The following ROBO2 variants were observed in gnomAD, a reference collection of about 807,000 sequenced individuals.
ROBO2 encodes the protein roundabout homolog 2.
ROBO2 carries 53 observed loss-of-function variants against 160.8 expected under a neutral mutation model. That is an observed-to-expected ratio of 0.33 (90% confidence interval 0.26 to 0.41). The LOEUF is 0.41. Ranked by LOEUF, ROBO2 falls within the 10% of genes least tolerant of loss-of-function variation. The pLI is 1.00. For synonymous variants in ROBO2, 664 were observed against 611.7 expected, an observed-to-expected ratio of 1.09 and a Z score of -1.26; for missense variants, 1,577 against 1,722.4, an observed-to-expected ratio of 0.92 and a Z score of 1.49.
Position 76,161,544 on chromosome 3 carries a change from CT to C in ROBO2, c.109+223943del, listed in dbSNP as rs570752382. On this transcript the variant is annotated intron_variant, in intron 2 of 26. Transcript: ENST00000487694. ...CAGTGAGTCACATGAAGGAGCCCTG[CT>C]AAGAGTGCTCTCAGGGTCATTAGAG... 3.4e-3 allele frequency among the ~76,000 whole-genome samples: 512 copies of C among 152,228 alleles called. 4 individuals carry two copies. The highest frequency in any genetic ancestry group is 6.5e-3 in the Admixed American group (100 of 15,274).
chr3:75,909,088 T>C (rs1039575088), intron 1 of ROBO2, among the ~76,000 whole-genome samples: 1 of 152,238 alleles, frequency 6.6e-6, no homozygotes, highest in African/African-American at 2.4e-5. Flanking sequence ...GGAATGCTCT[T>C]ATATTTCATA....
intron 2 of ROBO2, among the ~76,000 whole-genome samples, chr3:76,046,206 G>T (rs1232874824): frequency 6.6e-6 from 1 of 151,964 alleles, no homozygotes; most frequent in Non-Finnish European, 1.5e-5. Context: ...CCTTGTCAGG[G>T]ACTATAATCA....
chr3:76,646,458 C>T lies in ROBO2; in HGVS notation c.110-451556C>T, dbSNP rs1201296774. Among the ~76,000 whole-genome samples, 3 of 152,264 alleles carry T rather than the reference C, an allele frequency of 2.0e-5. No individual in the cohort carries two copies. In the South Asian group the frequency reaches 6.2e-4, roughly 32 times the overall value. ...AACAATCCCAACAAGAATCTCAACA[C>T]CTTCCACTCACAAGCTCCAGACCAC... is the stretch of plus-strand genomic sequence containing the variant. On this transcript the variant is annotated intron_variant, in intron 2 of 26. Transcript: ENST00000487694.
rs150055303 is a variant in ROBO2 at position 76,636,728 on chromosome 3, A to G, written c.110-461286A>G. ...CTTGTCAAAAGCCACAGTAGGACCC[A>G]ACCATAGCTCCCAGGACATTAGAGG... On this transcript the variant is annotated intron_variant, in intron 2 of 26. Transcript: ENST00000487694. Among the ~76,000 whole-genome samples the G allele has an allele frequency of 2.1e-3, 324 of 152,304 alleles. 1 individual carries two copies. The highest frequency in any genetic ancestry group is 7.7e-3 in the African/African-American group (318 of 41,568).
chr3:77,445,562 C>A (rs1403762072), intron 2 of ROBO2, among the ~76,000 whole-genome samples: 1 of 151,906 alleles, frequency 6.6e-6, no homozygotes, highest in Non-Finnish European at 1.5e-5. Flanking sequence ...AAAGTTGACT[C>A]TTGAAATTAT....
rs184805734 is a variant in ROBO2, at chr3:77,057,032, A to G, written c.61+16186A>G. 3.3e-3 allele frequency among the ~76,000 whole-genome samples: 499 copies of G among 152,304 alleles called. 4 individuals are homozygous for G. The highest frequency in any genetic ancestry group is 3.7e-3 in the South Asian group (18 of 4,832). On this transcript the variant is annotated intron_variant, in intron 1 of 25. Transcript: ENST00000461745. ...GCACACGTATGTTTATTGCGGCATT[A>G]TTCACAATAGCAAAGACTTGGAACC...
intron 2 of ROBO2, among the ~76,000 whole-genome samples, chr3:77,328,899 A>G (rs2065712595): frequency 6.6e-6 from 1 of 152,224 alleles, no homozygotes; most frequent in Non-Finnish European, 1.5e-5. Context: ...TTGAAAACAC[A>G]AAATACTGTT....
At position 77,320,328 on chromosome 3, in the gene ROBO2, C is replaced by T. The variant is rs143242745; in HGVS notation, c.389-157086C>T. Among the ~76,000 whole-genome samples, 391 of 152,228 alleles carry T rather than the reference C, an allele frequency of 2.6e-3. 2 individuals carry two copies. Among genetic ancestry groups the T allele is most frequent in the Middle Eastern group, 0.014 (4 of 294 alleles). ...TGTGATTCAGAGCTCTGACCATTTTCAAGTTCTTAGGAGCCCTCTCTTGTC... is the reference window on the plus strand; with the variant it reads ...TGTGATTCAGAGCTCTGACCATTTTTAAGTTCTTAGGAGCCCTCTCTTGTC... On this transcript the variant is annotated intron_variant, in intron 2 of 25. Transcript: ENST00000461745.
chr3:77,138,600 CAT>C (rs2076462286), intron 2 of ROBO2, among the ~76,000 whole-genome samples: 1 of 152,192 alleles, frequency 6.6e-6, no homozygotes, highest in Admixed American at 6.5e-5. Context: ...AAAGGATTCA[CAT>C]ATGTCTTAAA....
At chr3:76,640,046 T>G (rs540413563) in intron 2 of ROBO2, among the ~76,000 whole-genome samples, 5 of 152,222 alleles carry the variant, frequency 3.3e-5, no homozygotes, top group Non-Finnish European at 5.9e-5. Flanking sequence ...TAGCATTTTT[T>G]AACTGCGTTG....
chr3:77,185,032 A>G (rs2081153952), intron 2 of ROBO2, among the ~76,000 whole-genome samples: 1 of 150,390 alleles, frequency 6.6e-6, no homozygotes, highest in East Asian at 2.0e-4. Context: ...CATGGAGCAG[A>G]TATCTGAAAA....
At chr3:76,985,099 T>A (rs1396336606) in intron 2 of ROBO2, among the ~76,000 whole-genome samples, 1 of 152,170 alleles carries the variant, frequency 6.6e-6, no homozygotes, top group African/African-American at 2.4e-5. Flanking sequence ...TGTTCTCATT[T>A]CTTTTCTCTT....
intron 2 of ROBO2, among the ~76,000 whole-genome samples, chr3:76,247,104 G>A (rs868847811): frequency 1.3e-5 from 2 of 151,758 alleles, no homozygotes; most frequent in Non-Finnish European, 1.5e-5. Flanking sequence ...GAGAAACATC[G>A]TTTCCATACA....
At chr3:77,199,525 CA>C (rs34331319) in intron 2 of ROBO2, among the ~76,000 whole-genome samples, 1 of 151,928 alleles carries the variant, frequency 6.6e-6, no homozygotes, top group Non-Finnish European at 1.5e-5. Flanking sequence ...ATTTCTTAGC[CA>C]AAATGGTTGA....
At chr3:76,520,242 G>T (rs2107867290) in intron 2 of ROBO2, among the ~76,000 whole-genome samples, 1 of 152,244 alleles carries the variant, frequency 6.6e-6, no homozygotes, top group African/African-American at 2.4e-5. Flanking sequence ...CCTGAGGTCA[G>T]GGGTTCGATA....
At chr3:77,121,440 A>G (rs1010926310) in intron 2 of ROBO2, among the ~76,000 whole-genome samples, 1 of 152,136 alleles carries the variant, frequency 6.6e-6, no homozygotes, top group African/African-American at 2.4e-5. Context: ...TACCTATTAC[A>G]TTTTTAATTG....
chr3:76,393,689 A>C (rs1052954854), intron 2 of ROBO2, among the ~76,000 whole-genome samples: 12 of 152,184 alleles, frequency 7.9e-5, no homozygotes, highest in African/African-American at 2.9e-4. Flanking sequence ...CCCAGAAACC[A>C]CATGGCCTGA....
At chr3:76,027,301 C>T (rs2066778469) in intron 2 of ROBO2, among the ~76,000 whole-genome samples, 2 of 151,876 alleles carry the variant, frequency 1.3e-5, no homozygotes, top group Admixed American at 1.3e-4. Flanking sequence ...CTTGTACCTC[C>T]CAGTCACCTG....
At chr3:77,188,228 TAAAAGCCAAC>T (rs2081463096) in intron 2 of ROBO2, among the ~76,000 whole-genome samples, 1 of 143,136 alleles carries the variant, frequency 7.0e-6, no homozygotes, top group African/African-American at 3.0e-5. Flanking sequence ...CTCTGAAGGG[TAAAAGCCAAC>T]TAAATGGACT....
Sources: allele counts gnomAD v4.1 joint callset (sites outside exome capture counted in the v4.1 genomes callset), GRCh38; gene constraint gnomAD v4.1.1; transcripts MANE v1.5; gene names NCBI Gene and HGNC (gene_info 2026-07-23, HGNC 2026-07-21).